Variants in SLC30A6 observed in about 807,000 individuals in gnomAD.
SLC30A6 encodes solute carrier family 30 member 6.
SLC30A6 carries 55 observed loss-of-function variants against 63.0 expected under a neutral mutation model. The observed-to-expected ratio is 0.87, with a 90% CI of 0.70 to 1.09. The LOEUF (loss-of-function observed/expected upper bound fraction) is 1.09. Ranked by LOEUF, SLC30A6 falls within the 50% of genes least tolerant of loss-of-function variation. The pLI, the probability that SLC30A6 is intolerant of heterozygous loss-of-function variation, is 0.00. For synonymous variants in SLC30A6, 224 were observed against 186.1 expected, an observed-to-expected ratio of 1.20 and a Z score of -1.66; for missense variants, 587 against 549.2, an observed-to-expected ratio of 1.07 and a Z score of -0.69.
At chr2:32,179,620 C>T (rs1409783499) in intron 4 of SLC30A6, among the ~76,000 whole-genome samples, 1 of 152,030 alleles carries the variant, frequency 6.6e-6, no homozygotes, top group African/African-American at 2.4e-5. Context: ...TATTATGTAG[C>T]CTTAGACAAT....
chr2:32,172,196 A>G (rs527502950), intron 2 of SLC30A6, among the ~76,000 whole-genome samples: 29 of 152,180 alleles, frequency 1.9e-4, no homozygotes, highest in African/African-American at 6.0e-4. Flanking sequence ...AGTACAATAT[A>G]AACATTCAGT....
intron 10 of SLC30A6, among the ~76,000 whole-genome samples, chr2:32,199,567 G>A (rs1684085451): frequency 6.6e-6 from 1 of 151,998 alleles, no homozygotes; most frequent in East Asian, 1.9e-4. Flanking sequence ...TTCTAATTAT[G>A]CTCTTGTTTA....
rs188938625 is a variant in SLC30A6 at position 32,193,875 on chromosome 2, G to A, written c.402-14G>A. 13 of 1,594,634 alleles carry A rather than the reference G, an allele frequency of 8.2e-6. No homozygotes were observed. The highest frequency in any genetic ancestry group is 4.0e-5 in the African/African-American group (3 of 74,594). On this transcript the variant is annotated splice_polypyrimidine_tract_variant and intron_variant, in intron 7 of 13. Coordinates refer to ENST00000282587, the MANE Select transcript of SLC30A6 (RefSeq NM_017964.5). ...GAACAAATTAAAGGTGAATGTTATC[G>A]TTGTTCTTTTTAGGGGAAGATTATT...
intron 4 of SLC30A6, among the ~76,000 whole-genome samples, chr2:32,176,488 C>G (rs547384367): frequency 1.4e-3 from 220 of 151,900 alleles, no homozygotes; most frequent in Non-Finnish European, 2.7e-3. Flanking sequence ...GAAACCCCGT[C>G]TCTACTAAAA....
At position 32,220,187 on chromosome 2, in the gene SLC30A6, CTT is replaced by C. The variant is rs1463163881; in HGVS notation, c.886-24_886-23del. The C allele has an allele frequency of 1.8e-5, 29 of 1,587,732 alleles. 1 individual carries two copies. Among genetic ancestry groups the C allele is most frequent in the Non-Finnish European group, 2.4e-5 (28 of 1,163,794 alleles). ...TTGTTAGTATAATTCTAAGCAATCT[CTT>C]TGTTATGATTTTGCCCCTTTTAGGC... On this transcript the variant is annotated intron_variant, in intron 13 of 13. Transcript: ENST00000282587.
At chr2:32,211,147 G>A (rs967168771) in intron 13 of SLC30A6, among the ~76,000 whole-genome samples, 1 of 152,060 alleles carries the variant, frequency 6.6e-6, no homozygotes, top group African/African-American at 2.4e-5. Context: ...TGGTTCTCAG[G>A]GTCGCTTGCT....
intron 13 of SLC30A6, among the ~76,000 whole-genome samples, chr2:32,211,487 G>C (rs1685251365): frequency 6.6e-6 from 1 of 151,950 alleles, no homozygotes; most frequent in South Asian, 2.1e-4. Context: ...CCTTTTATAT[G>C]TCACTTGGTC....
chr2:32,186,118 T>G (rs1682789582), intron 5 of SLC30A6, among the ~76,000 whole-genome samples: 1 of 152,060 alleles, frequency 6.6e-6, no homozygotes, highest in Non-Finnish European at 1.5e-5. Context: ...CATTGCAACC[T>G]CCACCTACCA....
chr2:32,178,381 A>G (rs998221875), intron 4 of SLC30A6, among the ~76,000 whole-genome samples: 7 of 151,966 alleles, frequency 4.6e-5, no homozygotes, highest in African/African-American at 9.7e-5. Flanking sequence ...CTTGTCAAAA[A>G]CCAGTTCACG....
At chr2:32,210,407 C>T (rs111762779) in intron 13 of SLC30A6, among the ~76,000 whole-genome samples, 4,832 of 147,860 alleles carry the variant, frequency 0.033, 113 homozygotes, top group Middle Eastern at 0.08. Context: ...TCCAGTTACT[C>T]GGGAGGCTGA....
At chr2:32,213,518 G>A (rs559772992) in intron 13 of SLC30A6, among the ~76,000 whole-genome samples, 2 of 152,094 alleles carry the variant, frequency 1.3e-5, no homozygotes, top group South Asian at 2.1e-4. Flanking sequence ...AGTCAGATGT[G>A]CTGTTGCTTC....
intron 5 of SLC30A6, among the ~76,000 whole-genome samples, chr2:32,188,739 T>C (rs1425712573): frequency 1.3e-5 from 2 of 152,188 alleles, no homozygotes; most frequent in East Asian, 1.9e-4. Context: ...TTCTGTAATA[T>C]CTTTGTGCAA....
intron 10 of SLC30A6, chr2:32,202,747 C>G (rs985150873): frequency 2.8e-6 from 2 of 702,280 alleles, no homozygotes; most frequent in African/African-American, 3.5e-5. Flanking sequence ...AAAACTGATT[C>G]TGAAGACAGT....
intron 1 of SLC30A6, among the ~76,000 whole-genome samples, chr2:32,169,430 G>C (rs1440821602): frequency 6.6e-6 from 1 of 152,066 alleles, no homozygotes; most frequent in Non-Finnish European, 1.5e-5. Context: ...TCCTGACTCA[G>C]TCACCCAAAG....
At chr2:32,199,922 C>A (rs1212946161) in intron 10 of SLC30A6, among the ~76,000 whole-genome samples, 1 of 152,092 alleles carries the variant, frequency 6.6e-6, no homozygotes, top group Non-Finnish European at 1.5e-5. Flanking sequence ...CAAGACCAGC[C>A]TGGCCAACAT....
In SLC30A6 at chr2:32,203,778, A is replaced by G. The variant is rs536075741; in HGVS notation, c.666-812A>G. On this transcript the variant is annotated intron_variant, in intron 10 of 13. Coordinates refer to ENST00000282587, the MANE Select transcript of SLC30A6 (RefSeq NM_017964.5). Reference sequence around the variant, plus strand: ...ACTGGATATTCTCAGTGCCAGCCAAATTACCTGAAATTGAAGAATATTATG... The same window carrying G: ...ACTGGATATTCTCAGTGCCAGCCAAGTTACCTGAAATTGAAGAATATTATG... The G allele has an allele frequency of 9.8e-4, 1,460 of 1,494,498 alleles. 2 individuals are homozygous for G. The highest frequency in any genetic ancestry group is 1.3e-3 in the Non-Finnish European group (1,413 of 1,072,022). The allele number at this position is 1,494,498 out of a possible 1,614,324, so 92.6% of individuals were successfully genotyped here.
chr2:32,216,970 C>T (rs1685766555), intron 13 of SLC30A6, among the ~76,000 whole-genome samples: 1 of 151,984 alleles, frequency 6.6e-6, no homozygotes, highest in Admixed American at 6.6e-5. Context: ...CTCACTGCAA[C>T]CTCTGCCTCC....
At chr2:32,203,790 T>G (rs1573379684) in intron 10 of SLC30A6, 1 of 1,491,852 alleles carries the variant, frequency 6.7e-7, no homozygotes, top group Non-Finnish European at 9.3e-7. Context: ...TACCTGAAAT[T>G]GAAGAATATT....
At chr2:32,181,688 A>G (rs1224499312) in intron 4 of SLC30A6, among the ~76,000 whole-genome samples, 2 of 152,010 alleles carry the variant, frequency 1.3e-5, no homozygotes, top group Non-Finnish European at 2.9e-5. Context: ...GCAACATGGT[A>G]AAAACCCATC....
Sources: allele counts gnomAD v4.1 joint callset (sites outside exome capture counted in the v4.1 genomes callset), GRCh38; gene constraint gnomAD v4.1.1; transcripts MANE v1.5; gene names NCBI Gene and HGNC (gene_info 2026-07-23, HGNC 2026-07-21).